The following PRKCH variants were observed in gnomAD, a reference collection of about 807,000 sequenced individuals.
The protein encoded by PRKCH is protein kinase C eta.
In PRKCH, 28 loss-of-function variants were observed where a neutral mutation model predicts 82.5. The ratio of observed to expected loss-of-function variants is 0.34; its 90% CI spans 0.25 to 0.47. PRKCH has a LOEUF of 0.47. Ranked by LOEUF, PRKCH falls within the 20% of genes least tolerant of loss-of-function variation. PRKCH has a pLI of 1.00. For missense variants in PRKCH, 705 were observed against 881.8 expected, an observed-to-expected ratio of 0.80 and a Z score of 2.54; for synonymous variants, 322 against 327.4, an observed-to-expected ratio of 0.98 and a Z score of 0.18.
intron 1 of PRKCH, among the ~76,000 whole-genome samples, chr14:61,350,382 T>C (rs1473586033): frequency 6.6e-6 from 1 of 152,190 alleles, no homozygotes; most frequent in Non-Finnish European, 1.5e-5. Context: ...ATACAAAACA[T>C]AGAGAAGAGA....
chr14:61,443,366 C>T, intron 3 of PRKCH, 105 bp downstream of exon 3: 1 of 1,248,716 alleles, frequency 8.0e-7, no homozygotes, highest in Non-Finnish European at 1.1e-6. Flanking sequence ...AGAATTCTTT[C>T]AGGATCTGAT....
At chr14:61,221,520 T>C (rs1366469570) in intron 1 of PRKCH, among the ~76,000 whole-genome samples, 1 of 152,020 alleles carries the variant, frequency 6.6e-6, no homozygotes, top group East Asian at 1.9e-4. Context: ...TTTCTCTCCT[T>C]TGCTCCTCTT....
intron 10 of PRKCH, among the ~76,000 whole-genome samples, chr14:61,528,218 G>A (rs1222115668): frequency 6.7e-6 from 1 of 149,144 alleles, no homozygotes; most frequent in Non-Finnish European, 1.5e-5. Context: ...TTTAGAGACA[G>A]GGTCTCACCC....
chr14:61,246,574 C>G (rs1262840576), intron 1 of PRKCH, among the ~76,000 whole-genome samples: 1 of 152,030 alleles, frequency 6.6e-6, no homozygotes, highest in East Asian at 1.9e-4. Context: ...ATTATTCTAT[C>G]TAGAAAAATA....
chr14:61,388,945 C>G (rs1391726887), intron 1 of PRKCH, among the ~76,000 whole-genome samples: 1 of 152,188 alleles, frequency 6.6e-6, no homozygotes, highest in African/African-American at 2.4e-5. Flanking sequence ...TGAATCTGAA[C>G]AAAGCAGGCA....
intron 1 of PRKCH, among the ~76,000 whole-genome samples, chr14:61,199,287 T>G (rs749121048): frequency 6.6e-6 from 1 of 152,202 alleles, no homozygotes; most frequent in Non-Finnish European, 1.5e-5. Flanking sequence ...CCCCTGGGTG[T>G]CTGATTTACT....
chr14:61,409,720 A>G (rs1882169212), intron 2 of PRKCH, among the ~76,000 whole-genome samples: 1 of 151,788 alleles, frequency 6.6e-6, no homozygotes, highest in African/African-American at 2.4e-5. Flanking sequence ...AAAAAAAAAA[A>G]AAAAAAAAGA....
At chr14:61,327,105 T>C (rs936577453) in intron 1 of PRKCH, 1 of 456,002 alleles carries the variant, frequency 2.2e-6, no homozygotes, top group Admixed American at 2.3e-5. Flanking sequence ...CCAGGCTGTT[T>C]TCCTGGTTCA....
chr14:61,501,956 A>G (rs953308442), intron 10 of PRKCH, among the ~76,000 whole-genome samples: 1 of 151,994 alleles, frequency 6.6e-6, no homozygotes, highest in African/African-American at 2.4e-5. Flanking sequence ...GTGGTATATT[A>G]TCTACCTGAA....
At chr14:61,526,325 C>G (rs2042965992) in intron 10 of PRKCH, among the ~76,000 whole-genome samples, 1 of 152,188 alleles carries the variant, frequency 6.6e-6, no homozygotes, top group African/African-American at 2.4e-5. Context: ...AGTGGGTGCA[C>G]AGGTACTCAG....
chr14:61,468,200 T>G (rs1885345753), intron 9 of PRKCH, among the ~76,000 whole-genome samples: 2 of 152,218 alleles, frequency 1.3e-5, no homozygotes, highest in Non-Finnish European at 2.9e-5. Context: ...CCCTGAGCAG[T>G]GGCTGCTACA....
rs367558242 is a variant in PRKCH at position 61,512,522 on chromosome 14, T to G, written c.1434-16553T>G. ...TTCTTTGATTTGGACTTAAAGGATT[T>G]TCTGAGCTTTTAAATGGTTTCCTAT... On this transcript the variant is annotated intron_variant, in intron 10 of 13. Coordinates refer to ENST00000332981, the MANE Select transcript of PRKCH (RefSeq NM_006255.5). Among the ~76,000 whole-genome samples the G allele has an allele frequency of 1.1e-4, 17 of 152,290 alleles. 1 individual carries two copies. Among genetic ancestry groups the G allele is most frequent in the Admixed American group, 7.8e-4 (12 of 15,306 alleles).
At chr14:61,341,822 C>T (rs992389040) in intron 1 of PRKCH, among the ~76,000 whole-genome samples, 1 of 152,188 alleles carries the variant, frequency 6.6e-6, no homozygotes, top group Admixed American at 6.5e-5. Context: ...ACTGGACTAA[C>T]AATGCTTAAG....
At chr14:61,542,056 G>A (rs1023964642) in intron 12 of PRKCH, among the ~76,000 whole-genome samples, 38 of 152,178 alleles carry the variant, frequency 2.5e-4, no homozygotes, top group African/African-American at 4.8e-5. Flanking sequence ...TTGGGAGGCC[G>A]AGGCAGGCGG....
rs555953665 is a variant in PRKCH at position 61,550,236 on chromosome 14, A to G, written c.*405A>G. On this transcript the variant is annotated 3_prime_UTR_variant, in exon 14 of 14. Coordinates refer to ENST00000332981, the MANE Select transcript of PRKCH (RefSeq NM_006255.5). ...CTGTGCTGTGCTCTTCTTTAAGCCA[A>G]TGAACCCCAATTCCTGGCAGTCTAC... 1 of 158,956 alleles carries G rather than the reference A, an allele frequency of 6.3e-6. No individual in the cohort carries two copies. Among genetic ancestry groups the G allele is most frequent in the African/African-American group, 2.4e-5 (1 of 41,802 alleles). 9.8% of individuals were successfully genotyped at this position (158,956 alleles called of 1,614,324 possible). A position where few individuals can be genotyped will look rare whatever the true frequency, so the allele number is the denominator to read the frequency against.
intron 12 of PRKCH, among the ~76,000 whole-genome samples, chr14:61,542,370 GAAAA>G (rs61011878): frequency 4.5e-4 from 67 of 147,938 alleles, no homozygotes; most frequent in Admixed American, 5.3e-4. Context: ...TTTCTGTCAG[GAAAA>G]AAAAAAAAAA....
chr14:61,439,538 G>A (rs1479538154), intron 2 of PRKCH, among the ~76,000 whole-genome samples: 2 of 152,212 alleles, frequency 1.3e-5, no homozygotes, highest in Non-Finnish European at 2.9e-5. Flanking sequence ...TGCATGGGAA[G>A]TGCCTGGGGC....
intron 2 of PRKCH, among the ~76,000 whole-genome samples, chr14:61,428,913 G>C (rs1291547187): frequency 1.3e-5 from 2 of 152,114 alleles, no homozygotes; most frequent in African/African-American, 4.8e-5. Flanking sequence ...GAGAGGTGGA[G>C]CAAGATATGT....
At chr14:61,401,948 T>C (rs1238907474) in intron 2 of PRKCH, among the ~76,000 whole-genome samples, 1 of 152,230 alleles carries the variant, frequency 6.6e-6, no homozygotes, top group East Asian at 1.9e-4. Flanking sequence ...AAAAAACGAA[T>C]GAACTGCGCC....
Sources: allele counts gnomAD v4.1 joint callset (sites outside exome capture counted in the v4.1 genomes callset), GRCh38; gene constraint gnomAD v4.1.1; transcripts MANE v1.5; gene names NCBI Gene and HGNC (gene_info 2026-07-23, HGNC 2026-07-21).